Variants in CCDC97 observed in about 807,000 individuals in gnomAD.
The protein encoded by CCDC97 is coiled-coil domain-containing protein 97.
In CCDC97, 27 loss-of-function variants were observed where a neutral mutation model predicts 33.9. The ratio of observed to expected loss-of-function variants is 0.80; its 90% CI spans 0.59 to 1.10. CCDC97 has a LOEUF of 1.10. Ranked by LOEUF, CCDC97 falls within the 50% of genes least tolerant of loss-of-function variation. The pLI, the probability that CCDC97 is intolerant of heterozygous loss-of-function variation, is 0.00. For missense variants in CCDC97, 422 were observed against 476.6 expected (o/e 0.89, Z 1.07); for synonymous variants, 217 against 194.0 (o/e 1.12, Z -0.99).
At chr19:41,320,954 A>C (rs1284330102) in intron 4 of CCDC97, among the ~76,000 whole-genome samples, 1 of 152,200 alleles carries the variant, frequency 6.6e-6, no homozygotes, top group Non-Finnish European at 1.5e-5. Context: ...CACGTGGGCC[A>C]CCTGCTTTGG....
rs143157411 is a variant in CCDC97, at chr19:41,316,773, C to T, written c.436C>T (p.Arg146Trp). ...TGAGGTGGCCCGGCAGGGCACTGCCCGGCCCCGCACCCTGCGTACCCGCCT... is the reference window on the plus strand; with the variant it reads ...TGAGGTGGCCCGGCAGGGCACTGCCTGGCCCCGCACCCTGCGTACCCGCCT... The part of the protein sequence containing the change: ...CAEVARQGTA[R>W]PRTLRTRLRN... Residue 146 changes from arginine to tryptophan, a missense_variant, in exon 2 of 5, where the codon CGG (arginine) becomes TGG (tryptophan). Arg to Trp is a moderately radical substitution (Grantham distance 101). Transcript: ENST00000269967. 205 of 1,609,012 alleles carry T rather than the reference C, an allele frequency of 1.3e-4. No individual in the cohort carries two copies. The African/African-American group carries it at 1.8e-3, about 14-fold the overall frequency.
rs779929938 is a variant in CCDC97, at chr19:41,310,315, A to T, written c.5A>T (p.Glu2Val). The change falls in exon 1 of 5, where the codon GAG (glutamate) becomes GTG (valine). Residue 2 changes from glutamate to valine, a missense_variant. Transcript: ENST00000269967. ...GAAAAGTCCGAGAGAATCAGGATGGAGGCCGTGGCGACGGCGACGGCGGCG... is the reference window on the plus strand; with the variant it reads ...GAAAAGTCCGAGAGAATCAGGATGGTGGCCGTGGCGACGGCGACGGCGGCG... M[E>V]AVATATAAKE... 6.2e-7 allele frequency: 1 copy of T among 1,604,226 alleles called. No homozygotes were observed. The highest frequency in any genetic ancestry group is 1.1e-5 in the South Asian group (1 of 89,200).
intron 1 of CCDC97, among the ~76,000 whole-genome samples, chr19:41,314,807 C>A (rs2037725969): frequency 6.6e-6 from 1 of 151,990 alleles, no homozygotes; most frequent in African/African-American, 2.4e-5. Flanking sequence ...CAAGACCAGC[C>A]TGGGCAACAC....
chr19:41,316,804 A>C lies in CCDC97; in HGVS notation c.467A>C (p.Asn156Thr). 9 of 1,599,232 alleles carry C rather than the reference A, an allele frequency of 5.6e-6. No individual in the cohort carries two copies. Among genetic ancestry groups the C allele is most frequent in the Non-Finnish European group, 5.1e-6 (6 of 1,168,426 alleles). ...CGCACCCTGCGTACCCGCCTGCGTA[A>C]CCGGCGCTATGCTGCCCTGCGAGAG... Reference protein sequence around the residue: ...RPRTLRTRLRNRRYAALRELI... With the variant: ...RPRTLRTRLRTRRYAALRELI... Residue 156 changes from asparagine to threonine, a missense_variant, in exon 2 of 5, where the codon AAC becomes ACC. Transcript: ENST00000269967.
chr19:41,319,364 G>T lies in CCDC97; in HGVS notation c.503-210G>T, dbSNP rs143669336. Among the ~76,000 whole-genome samples, 382 of 151,406 alleles carry T rather than the reference G, an allele frequency of 2.5e-3. 11 individuals are homozygous for T. The South Asian group carries it at 0.065, about 26-fold the overall frequency. On this transcript the variant is annotated intron_variant, in intron 2 of 4. Coordinates refer to ENST00000269967, the MANE Select transcript of CCDC97 (RefSeq NM_052848.3). ...ATTCACGTGCATGCCTCAGGCGCCTGCATTATTCACACGCACGCCTCAGGC... is the reference window on the plus strand; with the variant it reads ...ATTCACGTGCATGCCTCAGGCGCCTTCATTATTCACACGCACGCCTCAGGC...
At chr19:41,310,600 C>T (rs2037671645) in intron 1 of CCDC97, 1 of 985,370 alleles carries the variant, frequency 1.0e-6, no homozygotes, top group Non-Finnish European at 1.2e-6. Flanking sequence ...CTTTCCATGT[C>T]CCTAATTCAT....
Position 41,322,804 on chromosome 19 carries a change from G to GCACTGCCCTGATGTCCCCCTA in CCDC97, c.*89_*90insCACTGCCCTGATGTCCCCCTA. The GCACTGCCCTGATGTCCCCCTA allele has an allele frequency of 6.7e-7, 1 of 1,485,326 alleles. No individual in the cohort carries two copies. Among genetic ancestry groups the GCACTGCCCTGATGTCCCCCTA allele is most frequent in the African/African-American group, 1.4e-5 (1 of 72,368 alleles). The allele number at this position is 1,485,326 out of a possible 1,614,324, so 92.0% of individuals were successfully genotyped here. ...CTGCTCAGTGACCCTTTCTCTAGGG[G>GCACTGCCCTGATGTCCCCCTA]GACATCAGGGCAGTGCCCCACAACC... On this transcript the variant is annotated 3_prime_UTR_variant, in exon 5 of 5. Coordinates refer to ENST00000269967, the MANE Select transcript of CCDC97 (RefSeq NM_052848.3).
At chr19:41,321,377 G>A (rs1276702307) in intron 4 of CCDC97, among the ~76,000 whole-genome samples, 1 of 152,242 alleles carries the variant, frequency 6.6e-6, no homozygotes, top group African/African-American at 2.4e-5. Flanking sequence ...CCCAAGCCAG[G>A]GCCCAGGAGG....
chr19:41,314,977 AACTTTTT>A lies in CCDC97; in HGVS notation c.47-1406_47-1400del, dbSNP rs150592770. Among the ~76,000 whole-genome samples the A allele has an allele frequency of 4.6e-4, 68 of 147,092 alleles. No individual in the cohort carries two copies. In the Middle Eastern group the frequency reaches 0.014, roughly 31 times the overall value. On this transcript the variant is annotated intron_variant, in intron 1 of 4. Transcript: ENST00000269967. ...CCTAGTGAGACCTTGTCTTTACTGAAACTTTTTTTTTTTTTTTTTAATTTAAAGATTG... is the reference window on the plus strand; with the variant it reads ...CCTAGTGAGACCTTGTCTTTACTGAATTTTTTTTTTTTAATTTAAAGATTG...
rs377395901 is a variant in CCDC97, at chr19:41,316,541, C to G, written c.204C>G (p.His68Gln). Residue 68 changes from histidine to glutamine, a missense_variant, in exon 2 of 5, where the codon CAC becomes CAG. His to Gln is a conservative substitution (Grantham distance 24). Transcript: ENST00000269967. ...ATGCAGCAGTGAGTGCTATGCTGCACGCTGTAGCCGCCAGCCGCCTGCCTG... is the reference window on the plus strand; with the variant it reads ...ATGCAGCAGTGAGTGCTATGCTGCAGGCTGTAGCCGCCAGCCGCCTGCCTG... ...AENAAVSAML[H>Q]AVAASRLPVC... is the part of the protein sequence containing the mutation. 1.2e-6 allele frequency: 2 copies of G among 1,614,238 alleles called. No homozygotes were observed. The highest frequency in any genetic ancestry group is 1.7e-6 in the Non-Finnish European group (2 of 1,180,032).
intron 1 of CCDC97, among the ~76,000 whole-genome samples, chr19:41,315,060 G>C (rs892390641): frequency 6.6e-6 from 1 of 151,686 alleles, no homozygotes; most frequent in Non-Finnish European, 1.5e-5. Flanking sequence ...CCAGCACTTT[G>C]GGAGGCCGAG....
In CCDC97 at chr19:41,320,376, C is replaced by G. The variant is rs759691177; in HGVS notation, c.817C>G (p.Pro273Ala). 1.2e-6 allele frequency: 2 copies of G among 1,614,150 alleles called. No individual in the cohort carries two copies. Among genetic ancestry groups the G allele is most frequent in the East Asian group, 4.5e-5 (2 of 44,882 alleles). The change falls in exon 4 of 5, where the codon CCC (proline) becomes GCC (alanine). Residue 273 changes from proline to alanine, a missense_variant. Pro to Ala is a conservative substitution (Grantham distance 27). Coordinates refer to ENST00000269967, the MANE Select transcript of CCDC97 (RefSeq NM_052848.3). ...AGGCAAGGACTCGGAGGCCTGGGTT[C>G]CCGACTCGGAGGAGAGGCTGATCCT... is the stretch of plus-strand genomic sequence containing the variant. The part of the protein sequence containing the change: ...RSGKDSEAWV[P>A]DSEERLILRE...
intron 2 of CCDC97, among the ~76,000 whole-genome samples, chr19:41,317,502 T>C (rs1232678806): frequency 1.3e-5 from 2 of 151,280 alleles, no homozygotes; most frequent in South Asian, 2.1e-4. Flanking sequence ...GTGGGTAGAT[T>C]ACTTGAGCTC....
At position 41,310,253 on chromosome 19, in the gene CCDC97, G is replaced by C. The variant is rs1169436884; in HGVS notation, c.-58G>C. The C allele has an allele frequency of 2.6e-6, 4 of 1,558,534 alleles. No individual in the cohort carries two copies. The highest frequency in any genetic ancestry group is 3.5e-6 in the Non-Finnish European group (4 of 1,150,456). ...AGGCGAAAGTGTCTCTTGCGTGCGT[G>C]GGCCGGAGGTTAGTGTGCGGGGCCC... On this transcript the variant is annotated 5_prime_UTR_variant, in exon 1 of 5. Coordinates refer to ENST00000269967, the MANE Select transcript of CCDC97 (RefSeq NM_052848.3).
At position 41,324,252 on chromosome 19, in the gene CCDC97, G is replaced by C. The variant is rs2037859600; in HGVS notation, c.*1537G>C. On this transcript the variant is annotated 3_prime_UTR_variant, in exon 5 of 5. Transcript: ENST00000269967. The stretch of plus-strand genomic sequence containing the variant: ...GCCCGAGCGAAGTGCCTGACACCGG[G>C]TTGGATCCTCAGATGGCCCCATGAA... 1 of 152,254 alleles carries C rather than the reference G, an allele frequency of 6.6e-6. No homozygotes were observed. The highest frequency in any genetic ancestry group is 2.4e-5 in the African/African-American group (1 of 41,444). 9.4% of individuals were successfully genotyped at this position (152,254 alleles called of 1,614,324 possible). A position where few individuals can be genotyped will look rare whatever the true frequency, so the allele number is the denominator to read the frequency against.
intron 1 of CCDC97, among the ~76,000 whole-genome samples, chr19:41,315,371 C>T (rs936473365): frequency 1.5e-4 from 22 of 149,752 alleles, no homozygotes; most frequent in African/African-American, 4.2e-4. Context: ...TTTGGGAGGC[C>T]GAAGGGGAGT....
Position 41,319,795 on chromosome 19 carries a change from G to T in CCDC97, c.724G>T (p.Glu242Ter). 6.3e-7 allele frequency: 1 copy of T among 1,591,116 alleles called. No individual in the cohort carries two copies. The highest frequency in any genetic ancestry group is 8.6e-7 in the Non-Finnish European group (1 of 1,163,638). Residue 242 changes from glutamate (E) to a stop codon, truncating the protein, a stop_gained, in exon 3 of 5, where the codon GAG (glutamate) becomes TAG (stop). Transcript: ENST00000269967. LOFTEE classifies it high-confidence loss of function. Reference protein sequence around the residue: ...ELQQRLLQQQEEEEACLEEEE... With the variant: ...ELQQRLLQQQ ...ACAGCAGCGTCTGCTCCAACAGCAG[G>T]AGGAGGAGGAGGCCTGCTTGGAGGA... is the stretch of plus-strand genomic sequence containing the variant.
chr19:41,312,236 A>T (rs2037694175), intron 1 of CCDC97, among the ~76,000 whole-genome samples: 1 of 152,142 alleles, frequency 6.6e-6, no homozygotes, highest in Non-Finnish European at 1.5e-5. Context: ...GGTGCCCGCC[A>T]CTATGCCTGT....
At chr19:41,320,035 C>T (rs1436763635) in intron 3 of CCDC97, among the ~76,000 whole-genome samples, 183 bp downstream of exon 3, 1 of 152,202 alleles carries the variant, frequency 6.6e-6, no homozygotes, top group Non-Finnish European at 1.5e-5. Context: ...ATCCCCCACT[C>T]TGAGGCACCA....
Sources: gnomAD v4.1 joint callset for allele counts (sites outside exome capture counted in the v4.1 genomes callset) on GRCh38, gnomAD v4.1.1 for gene constraint, MANE v1.5 for transcripts, NCBI Gene and HGNC (gene_info 2026-07-23, HGNC 2026-07-21) for gene names.